Variants in MTPN observed in about 807,000 individuals in gnomAD.
MTPN encodes the protein myotrophin.
A neutral mutation model predicts 13.5 loss-of-function variants in MTPN; 2 were observed. That is an observed-to-expected ratio of 0.15 (90% CI 0.06 to 0.47). The LOEUF (loss-of-function observed/expected upper bound fraction) is 0.47. Among genes scored for constraint, MTPN ranks in the 20% least tolerant of loss-of-function variants. MTPN has a pLI of 0.97. For missense variants in MTPN, 79 were observed against 137.9 expected (o/e 0.57, Z 2.14); for synonymous variants, 46 against 51.7 (o/e 0.89, Z 0.48).
intron 1 of MTPN, among the ~76,000 whole-genome samples, chr7:135,968,605 C>T (rs192818773): frequency 2.1e-4 from 32 of 152,190 alleles, no homozygotes; most frequent in Admixed American, 1.6e-3. Flanking sequence ...AAACACACTT[C>T]CTCTGTTTTG....
intron 1 of MTPN, 38 bp downstream of exon 1, chr7:135,976,991 C>G (rs1350462614): frequency 1.3e-6 from 2 of 1,599,374 alleles, no homozygotes; most frequent in African/African-American, 1.3e-5. Flanking sequence ...CTCCAGCCCA[C>G]CTCCGTGTTC....
intron 1 of MTPN, among the ~76,000 whole-genome samples, chr7:135,954,252 T>A (rs1394554455): frequency 6.6e-6 from 1 of 152,242 alleles, no homozygotes; most frequent in Non-Finnish European, 1.5e-5. Flanking sequence ...AAAGGTTCAC[T>A]ATTATTTTTG....
chr7:135,954,189 T>C (rs961105837), intron 1 of MTPN, among the ~76,000 whole-genome samples: 6 of 152,210 alleles, frequency 3.9e-5, no homozygotes, highest in African/African-American at 9.6e-5. Context: ...GTGTTTAGCA[T>C]AGTGCCTGAC....
At chr7:135,951,854 T>C (rs1799367952) in intron 1 of MTPN, among the ~76,000 whole-genome samples, 1 of 152,176 alleles carries the variant, frequency 6.6e-6, no homozygotes, top group Admixed American at 6.5e-5. Context: ...CTGAAAACAA[T>C]ATACAATAAT....
intron 3 of MTPN, among the ~76,000 whole-genome samples, chr7:135,935,243 C>CTT (rs35519952): frequency 0.016 from 2,353 of 144,940 alleles, 32 homozygotes; most frequent in African/African-American, 0.037. Context: ...TGATTTCTTT[C>CTT]TTTTTTTTTT....
intron 1 of MTPN, among the ~76,000 whole-genome samples, chr7:135,959,197 G>GATGT (rs1193319060): frequency 4.6e-5 from 7 of 152,008 alleles, no homozygotes; most frequent in Admixed American, 1.3e-4. Context: ...CTATCAAGTG[G>GATGT]ATGTACCATA....
intron 3 of MTPN, among the ~76,000 whole-genome samples, chr7:135,931,315 T>C (rs920917224): frequency 4.6e-5 from 7 of 152,068 alleles, no homozygotes; most frequent in African/African-American, 1.7e-4. Context: ...GAGTGGCCCA[T>C]AATCAGAACA....
At position 135,927,585 on chromosome 7, in the gene MTPN, A is replaced by G. The variant is rs761997650; in HGVS notation, c.*2341T>C. 6 of 683,054 alleles carry G rather than the reference A, an allele frequency of 8.8e-6. No homozygotes were observed. Among genetic ancestry groups the G allele is most frequent in the African/African-American group, 1.8e-5 (1 of 55,352 alleles). 42.3% of individuals were successfully genotyped at this position (683,054 alleles called of 1,614,324 possible). ...ATGGTTTTAGCTTCCTTTACTCAAA[A>G]TATGAACATTAAGTGTTGTGAATTT... is the stretch of plus-strand genomic sequence containing the variant. On this transcript the variant is annotated 3_prime_UTR_variant, in exon 4 of 4. Coordinates refer to ENST00000393085, the MANE Select transcript of MTPN (RefSeq NM_145808.4).
rs138380171 is a variant in MTPN at position 135,953,245 on chromosome 7, GCT to G, written c.73-1617_73-1616del. 3.6e-3 allele frequency among the ~76,000 whole-genome samples: 546 copies of G among 152,266 alleles called. 31 individuals carry two copies. In the East Asian group the frequency reaches 0.093, roughly 26 times the overall value. On this transcript the variant is annotated intron_variant, in intron 1 of 3. Coordinates refer to ENST00000393085, the MANE Select transcript of MTPN (RefSeq NM_145808.4). ...ATGAAACTTTCCATGATAATGGCAA[GCT>G]CTCTTTCTCGTAAAACTCACAGGAA... is the stretch of plus-strand genomic sequence containing the variant.
intron 1 of MTPN, among the ~76,000 whole-genome samples, chr7:135,955,645 C>T (rs1799431932): frequency 6.6e-6 from 1 of 152,076 alleles, no homozygotes; most frequent in Non-Finnish European, 1.5e-5. Flanking sequence ...TGCCAATATT[C>T]CTCATGACAA....
chr7:135,967,967 T>C (rs74299024), intron 1 of MTPN, among the ~76,000 whole-genome samples: 3,102 of 152,220 alleles, frequency 0.02, 113 homozygotes, highest in East Asian at 0.16. Flanking sequence ...TACAATTTTT[T>C]TGTGGTTGAG....
chr7:135,971,114 C>T (rs1799687389), intron 1 of MTPN, among the ~76,000 whole-genome samples: 1 of 151,976 alleles, frequency 6.6e-6, no homozygotes. Flanking sequence ...AGATTCTATC[C>T]TTTCACATGG....
intron 1 of MTPN, among the ~76,000 whole-genome samples, chr7:135,955,564 C>T (rs892221356): frequency 3.5e-4 from 53 of 152,270 alleles, no homozygotes; most frequent in African/African-American, 1.2e-3. Flanking sequence ...GATGTTATCT[C>T]AACTCATTCT....
chr7:135,951,442 A>G, intron 2 of MTPN, 75 bp downstream of exon 2: 1 of 762,824 alleles, frequency 1.3e-6, no homozygotes, highest in East Asian at 2.8e-5. Flanking sequence ...TAGCTATTTT[A>G]TAATCTATAG....
intron 1 of MTPN, among the ~76,000 whole-genome samples, chr7:135,968,450 C>A (rs1297797152): frequency 1.3e-5 from 2 of 150,762 alleles, no homozygotes; most frequent in Non-Finnish European, 3.0e-5. Context: ...AAAAAAAAAT[C>A]AAGCTTCTAA....
chr7:135,966,567 G>A (rs370987635), intron 1 of MTPN, among the ~76,000 whole-genome samples: 1 of 152,016 alleles, frequency 6.6e-6, no homozygotes, highest in African/African-American at 2.4e-5. Flanking sequence ...AATTAAGTCC[G>A]GGACTGTCTG....
At position 135,927,692 on chromosome 7, in the gene MTPN, A is replaced by C. The variant is rs774245442; in HGVS notation, c.*2234T>G. ...TGAACCATCTTGGTCAGTCTATTCT[A>C]TTCTATGTTTATATGTTATTTTCTC... On this transcript the variant is annotated 3_prime_UTR_variant, in exon 4 of 4. Transcript: ENST00000393085. The C allele has an allele frequency of 3.6e-6, 2 of 551,852 alleles. No individual in the cohort carries two copies. The highest frequency in any genetic ancestry group is 3.1e-5 in the South Asian group (2 of 64,300). The allele number at this position is 551,852 out of a possible 1,614,324, so 34.2% of individuals were successfully genotyped here. A position where few individuals can be genotyped will look rare whatever the true frequency, so the allele number is the denominator to read the frequency against.
At chr7:135,956,704 T>TG (rs1011617098) in intron 1 of MTPN, among the ~76,000 whole-genome samples, 13 of 152,262 alleles carry the variant, frequency 8.5e-5, no homozygotes, top group Admixed American at 3.3e-4. Context: ...TTCTTTTTTT[T>TG]GGGGAAAACT....
At chr7:135,950,728 T>G in intron 2 of MTPN, 46 bp from the exon 3 acceptor site, 1 of 1,439,262 alleles carries the variant, frequency 6.9e-7, no homozygotes, top group South Asian at 1.2e-5. Context: ...TTTCATTTCT[T>G]CCTACTTTCT....
Sources: allele counts gnomAD v4.1 joint callset (sites outside exome capture counted in the v4.1 genomes callset), GRCh38; gene constraint gnomAD v4.1.1; transcripts MANE v1.5; gene names NCBI Gene and HGNC (gene_info 2026-07-23, HGNC 2026-07-21).